Variants in SHANK2 observed in about 807,000 individuals in gnomAD.
SHANK2 encodes the protein SH3 and multiple ankyrin repeat domains 2, also known as SH3 and multiple ankyrin repeat domains protein 2.
Under a neutral mutation model 133.7 loss-of-function variants are expected in SHANK2, and 43 were observed. The ratio of observed to expected loss-of-function variants is 0.32; its 90% CI spans 0.25 to 0.41. The LOEUF is 0.41. Ranked by LOEUF, SHANK2 falls within the 10% of genes least tolerant of loss-of-function variation. The pLI is 1.00. For synonymous variants in SHANK2, 1,017 were observed against 952.8 expected (o/e 1.07, Z -1.24); for missense variants, 1,994 against 2,235.8 (o/e 0.89, Z 2.18).
At chr11:70,714,504 T>A (rs1945867297) in intron 14 of SHANK2, among the ~76,000 whole-genome samples, 1 of 152,252 alleles carries the variant, frequency 6.6e-6, no homozygotes, top group South Asian at 2.1e-4. Context: ...ACCGGAAGGT[T>A]AAATGGTATT....
intron 8 of SHANK2, among the ~76,000 whole-genome samples, chr11:71,091,548 G>A (rs1455514713): frequency 1.3e-5 from 2 of 152,136 alleles, no homozygotes; most frequent in African/African-American, 4.8e-5. Context: ...TGCTGTTCCA[G>A]AGCCTCCTCT....
intron 10 of SHANK2, among the ~76,000 whole-genome samples, chr11:70,938,549 A>G (rs1950601496): frequency 6.6e-6 from 1 of 152,214 alleles, no homozygotes; most frequent in African/African-American, 2.4e-5. Flanking sequence ...GATTTAGCCA[A>G]AGAAACAGTA....
At chr11:71,153,266 T>C (rs1590965824) in intron 2 of SHANK2, among the ~76,000 whole-genome samples, 1 of 129,376 alleles carries the variant, frequency 7.7e-6, no homozygotes, top group Admixed American at 8.5e-5. Flanking sequence ...GCAACCGTTT[T>C]CTGTGTAACT....
In SHANK2 at chr11:70,862,150, G is replaced by C. The variant is rs1025678265; in HGVS notation, c.1174+34351C>G. On this transcript the variant is annotated intron_variant, in intron 11 of 25. Transcript: ENST00000601538. The stretch of plus-strand genomic sequence containing the variant: ...TCAGCTGATCTAAGCACCAGACACT[G>C]AACTGATGGCACACCTGCCCAGTGC... 3.3e-5 allele frequency among the ~76,000 whole-genome samples: 5 copies of C among 152,300 alleles called. 1 individual carries two copies. In the South Asian group the frequency reaches 1.0e-3, roughly 32 times the overall value.
intron 14 of SHANK2, among the ~76,000 whole-genome samples, chr11:70,745,583 G>A (rs1166231173): frequency 1.3e-5 from 2 of 152,194 alleles, no homozygotes; most frequent in Non-Finnish European, 2.9e-5. Flanking sequence ...GCGCTGGCCT[G>A]GCCTGAGGTA....
chr11:70,875,892 C>T (rs904727969), intron 11 of SHANK2, among the ~76,000 whole-genome samples: 46 of 151,300 alleles, frequency 3.0e-4, no homozygotes, highest in Non-Finnish European at 4.9e-4. Flanking sequence ...CACAGTGGCT[C>T]ATGCCTGTAA....
chr11:70,551,027 C>A (rs1349559323), intron 17 of SHANK2, among the ~76,000 whole-genome samples: 1 of 152,168 alleles, frequency 6.6e-6, no homozygotes, highest in Non-Finnish European at 1.5e-5. Context: ...GAGGGCCAAG[C>A]GGGGAGGGCC....
chr11:71,065,932 T>C (rs1362698354), intron 9 of SHANK2, among the ~76,000 whole-genome samples: 6 of 4,776 alleles, frequency 1.3e-3, no homozygotes, highest in East Asian at 5.8e-3. Flanking sequence ...GGGAAGTTGG[T>C]GGGGGCGGGG....
chr11:70,869,431 A>T (rs781795244), intron 11 of SHANK2, among the ~76,000 whole-genome samples: 4 of 152,006 alleles, frequency 2.6e-5, no homozygotes, highest in Non-Finnish European at 4.4e-5. Flanking sequence ...GACCAACAGA[A>T]CTCCACACAT....
chr11:70,783,984 G>A (rs1947576194), intron 14 of SHANK2, among the ~76,000 whole-genome samples: 3 of 152,134 alleles, frequency 2.0e-5, no homozygotes, highest in Non-Finnish European at 4.4e-5. Context: ...AGACTCAGGG[G>A]GTGTGAGACA....
intron 3 of SHANK2, among the ~76,000 whole-genome samples, chr11:71,131,487 G>A (rs747680015): frequency 2.8e-4 from 42 of 152,176 alleles, no homozygotes; most frequent in Non-Finnish European, 4.7e-4. Context: ...CATGGCAGCC[G>A]CTGGATGCTG....
intron 1 of SHANK2, among the ~76,000 whole-genome samples, chr11:71,237,840 G>T (rs148114405): frequency 2.6e-5 from 4 of 152,206 alleles, no homozygotes; most frequent in Admixed American, 1.3e-4. Context: ...ATGAACAAAG[G>T]TTCATCCATG....
chr11:71,238,303 C>T (rs1200838184), intron 1 of SHANK2, among the ~76,000 whole-genome samples: 2 of 152,344 alleles, frequency 1.3e-5, no homozygotes, highest in Middle Eastern at 3.4e-3. Context: ...CAATCCAACA[C>T]AGATAATGCA....
intron 1 of SHANK2, among the ~76,000 whole-genome samples, chr11:71,233,272 A>G: frequency 6.6e-6 from 1 of 152,230 alleles, no homozygotes; most frequent in East Asian, 1.9e-4. Context: ...CTTAAAATGG[A>G]ACGTGATTCA....
At chr11:71,110,185 TC>T in intron 5 of SHANK2, 136 bp from the exon 6 acceptor site, 1 of 648,394 alleles carries the variant, frequency 1.5e-6, no homozygotes, top group Non-Finnish European at 2.7e-6. Context: ...ACGCCTGTAA[TC>T]CCAGCACTTT....
intron 2 of SHANK2, among the ~76,000 whole-genome samples, chr11:71,152,433 C>T (rs1187116180): frequency 2.0e-5 from 3 of 152,122 alleles, no homozygotes; most frequent in African/African-American, 4.8e-5. Context: ...CTGTTTTTAA[C>T]GGATTACTTT....
chr11:70,921,578 T>A (rs1950352924), intron 10 of SHANK2, among the ~76,000 whole-genome samples: 1 of 152,076 alleles, frequency 6.6e-6, no homozygotes, highest in South Asian at 2.1e-4. Context: ...GAGCAGAAGG[T>A]GAAAAAGCGA....
At chr11:71,119,309 C>T (rs1209244754) in intron 3 of SHANK2, among the ~76,000 whole-genome samples, 5 of 152,158 alleles carry the variant, frequency 3.3e-5, no homozygotes, top group Non-Finnish European at 7.3e-5. Context: ...TGGCCGGGTG[C>T]GGTGGCTCAC....
intron 22 of SHANK2, among the ~76,000 whole-genome samples, chr11:70,491,584 A>G (rs1212499726): frequency 6.6e-6 from 1 of 152,276 alleles, no homozygotes; most frequent in Non-Finnish European, 1.5e-5. Context: ...AAAAAGCTAG[A>G]CATAGGCAGT....
Sources: gnomAD v4.1 joint callset for allele counts (sites outside exome capture counted in the v4.1 genomes callset) on GRCh38, gnomAD v4.1.1 for gene constraint, MANE v1.5 for transcripts, NCBI Gene and HGNC (gene_info 2026-07-23, HGNC 2026-07-21) for gene names.